SLCO3A1: variants seen among roughly 807,000 people sequenced by gnomAD.
SLCO3A1 encodes solute carrier organic anion transporter family member 3A1.
In SLCO3A1, 27 loss-of-function variants were observed where a neutral mutation model predicts 63.1. The observed-to-expected ratio is 0.43, with a 90% CI of 0.32 to 0.59. SLCO3A1 has a LOEUF of 0.59. Among genes scored for constraint, SLCO3A1 ranks in the 20% least tolerant of loss-of-function variants. SLCO3A1 has a pLI of 0.09. For missense variants in SLCO3A1, 773 were observed against 945.8 expected, an observed-to-expected ratio of 0.82 and a Z score of 2.40; for synonymous variants, 473 against 409.9, an observed-to-expected ratio of 1.15 and a Z score of -1.86.
chr15:92,001,215 G>A (rs928101568), intron 2 of SLCO3A1, among the ~76,000 whole-genome samples: 1 of 139,778 alleles, frequency 7.2e-6, no homozygotes, highest in Non-Finnish European at 1.6e-5. Flanking sequence ...TGGGTGGGCG[G>A]GGGGGAGGGG....
chr15:92,056,137 G>A lies in SLCO3A1; in HGVS notation c.647-38744G>A, dbSNP rs148329219. On this transcript the variant is annotated intron_variant, in intron 2 of 9. Transcript: ENST00000318445. ...CTAGTAACACCTGGGGCTTGCAGGG[G>A]GGACTTGAAGTCATTTGAAGATGTA... is the stretch of plus-strand genomic sequence containing the variant. Among the ~76,000 whole-genome samples the A allele has an allele frequency of 2.9e-4, 44 of 152,016 alleles. 1 individual carries two copies. The highest frequency in any genetic ancestry group is 1.1e-3 in the African/African-American group (44 of 41,448).
At chr15:92,149,355 C>G (rs1449509207) in intron 8 of SLCO3A1, 1 of 152,234 alleles carries the variant, frequency 6.6e-6, no homozygotes, top group African/African-American at 2.4e-5. Context: ...CAGTTTTATT[C>G]CATCACCTTC....
chr15:92,042,236 A>C (rs867203731), intron 2 of SLCO3A1, among the ~76,000 whole-genome samples: 1 of 152,296 alleles, frequency 6.6e-6, no homozygotes, highest in African/African-American at 2.4e-5. Flanking sequence ...TAACATTCAC[A>C]CAGTGTCAGA....
chr15:92,161,549 C>T (rs1270070464), intron 9 of SLCO3A1: 6 of 152,240 alleles, frequency 3.9e-5, no homozygotes, highest in African/African-American at 1.4e-4. Context: ...TGGTTACCAA[C>T]TCATTCTGAG....
At chr15:91,975,566 T>C (rs1383178135) in intron 2 of SLCO3A1, among the ~76,000 whole-genome samples, 2 of 152,226 alleles carry the variant, frequency 1.3e-5, no homozygotes, top group Non-Finnish European at 2.9e-5. Context: ...TAGGAGCTTG[T>C]TGATGATCAC....
chr15:91,982,998 A>G (rs891555323), intron 2 of SLCO3A1, among the ~76,000 whole-genome samples: 3 of 152,228 alleles, frequency 2.0e-5, no homozygotes, highest in Admixed American at 6.5e-5. Flanking sequence ...TGCTTGGGCT[A>G]TGGGAGCAGC....
intron 2 of SLCO3A1, among the ~76,000 whole-genome samples, chr15:91,931,207 G>A (rs896047776): frequency 6.6e-6 from 1 of 152,144 alleles, no homozygotes; most frequent in African/African-American, 2.4e-5. Context: ...ACGTAAACTC[G>A]GTTTTTCATA....
Position 91,854,053 on chromosome 15 carries a change from C to T in SLCO3A1, c.145C>T (p.Leu49=). The part of the protein sequence containing the change: ...IKIFLVSECA[L]MLAQGTVGAY... ...GATCTTCCTGGTGTCCGAGTGCGCC[C>T]TGATGCTGGCGCAGGGCACGGTGGG... is the stretch of plus-strand genomic sequence containing the variant. Residue 49 remains leucine (L), a synonymous_variant, in exon 1 of 10, where the codon CTG becomes TTG. Coordinates refer to ENST00000318445, the MANE Select transcript of SLCO3A1 (RefSeq NM_013272.4). This position sits in a 1 kb window ranked among gnomAD's most constrained non-coding sequence, Gnocchi z 6.4. The T allele has an allele frequency of 1.3e-6, 2 of 1,536,870 alleles. No homozygotes were observed. The highest frequency in any genetic ancestry group is 2.7e-5 in the East Asian group (1 of 37,060).
chr15:92,124,550 C>G (rs948054382), intron 5 of SLCO3A1, among the ~76,000 whole-genome samples: 3 of 152,156 alleles, frequency 2.0e-5, no homozygotes. Flanking sequence ...TGGATGCCCA[C>G]TCCGTGCTGG....
chr15:91,974,715 C>T (rs1366096796), intron 2 of SLCO3A1, among the ~76,000 whole-genome samples: 1 of 152,144 alleles, frequency 6.6e-6, no homozygotes, highest in South Asian at 2.1e-4. Flanking sequence ...GAAAATCTCT[C>T]CGAAAGAGGA....
In SLCO3A1 at chr15:91,941,756, T is replaced by A. The variant is rs1899630776; in HGVS notation, c.646+25298T>A. On this transcript the variant is annotated intron_variant, in intron 2 of 9. Transcript: ENST00000318445. The surrounding 1 kb of genome is among the most constrained non-coding windows in gnomAD (Gnocchi z 4.4). ...TATTCATTAACCTTCATGGAGCTTG[T>A]CTGTGTGCAACTTCATCTGAGAGCG... 6.6e-6 allele frequency among the ~76,000 whole-genome samples: 1 copy of A among 152,238 alleles called. No individual in the cohort carries two copies. The highest frequency in any genetic ancestry group is 2.1e-4 in the South Asian group (1 of 4,832).
intron 4 of SLCO3A1, among the ~76,000 whole-genome samples, chr15:92,113,803 C>T (rs991871548): frequency 6.6e-6 from 1 of 152,202 alleles, no homozygotes; most frequent in Non-Finnish European, 1.5e-5. Flanking sequence ...AAGGGAATGG[C>T]TTAGACACCT....
At chr15:92,048,664 C>T (rs1381839992) in intron 2 of SLCO3A1, among the ~76,000 whole-genome samples, 1 of 152,084 alleles carries the variant, frequency 6.6e-6, no homozygotes, top group Non-Finnish European at 1.5e-5. Context: ...TTTGGGAGGC[C>T]GAGGTGTGCG....
At chr15:91,997,831 C>T (rs1311996372) in intron 2 of SLCO3A1, among the ~76,000 whole-genome samples, 1 of 152,120 alleles carries the variant, frequency 6.6e-6, no homozygotes, top group East Asian at 1.9e-4. Flanking sequence ...AACTGGACCC[C>T]TATCTTTCAA....
chr15:92,101,787 C>T lies in SLCO3A1; in HGVS notation c.746-2492C>T, dbSNP rs181488660. Among the ~76,000 whole-genome samples, 437 of 152,288 alleles carry T rather than the reference C, an allele frequency of 2.9e-3. 2 individuals are homozygous for T. Among genetic ancestry groups the T allele is most frequent in the Admixed American group, 4.1e-3 (63 of 15,302 alleles). Reference sequence around the variant, plus strand: ...AGAATCCTGCTGTCCACCACCTTCACGCAGGCCCCGTCTCCTGTACTTGCC... The same window carrying T: ...AGAATCCTGCTGTCCACCACCTTCATGCAGGCCCCGTCTCCTGTACTTGCC... On this transcript the variant is annotated intron_variant, in intron 3 of 9. Coordinates refer to ENST00000318445, the MANE Select transcript of SLCO3A1 (RefSeq NM_013272.4).
intron 2 of SLCO3A1, among the ~76,000 whole-genome samples, chr15:92,092,176 A>T (rs207976): frequency 6.6e-6 from 1 of 151,956 alleles, no homozygotes; most frequent in African/African-American, 2.4e-5. Flanking sequence ...AAGCATGGGG[A>T]TAACAGCACA....
Position 91,869,041 on chromosome 15 carries a change from G to A in SLCO3A1, c.180+14953G>A, listed in dbSNP as rs374884990. 1.2e-3 allele frequency among the ~76,000 whole-genome samples: 181 copies of A among 152,260 alleles called. 1 individual carries two copies. The South Asian group carries it at 0.016, about 14-fold the overall frequency. ...TTCAGAAATAATCATGACTGGTGGT[G>A]GGGTTTGAGAAGTGACCGTTAACCG... On this transcript the variant is annotated intron_variant, in intron 1 of 9. Transcript: ENST00000318445.
intron 4 of SLCO3A1, among the ~76,000 whole-genome samples, chr15:92,116,349 C>T (rs945870360): frequency 6.6e-6 from 1 of 152,180 alleles, no homozygotes; most frequent in South Asian, 2.1e-4. Context: ...AGTAGAAAAC[C>T]TGTTTTCCCT....
intron 3 of SLCO3A1, among the ~76,000 whole-genome samples, chr15:92,103,074 T>A (rs1567121205): frequency 6.6e-6 from 1 of 152,190 alleles, no homozygotes; most frequent in Non-Finnish European, 1.5e-5. Flanking sequence ...GCTGGCCTTA[T>A]CATTAATGCT....
Sources: gnomAD v4.1 joint callset for allele counts (sites outside exome capture counted in the v4.1 genomes callset) on GRCh38, gnomAD v4.1.1 for gene constraint, Gnocchi (gnomAD v3.1) non-coding constraint, MANE v1.5 for transcripts, NCBI Gene and HGNC (gene_info 2026-07-23, HGNC 2026-07-21) for gene names.